Variants in CES5A observed in about 807,000 individuals in gnomAD.
CES5A encodes carboxylesterase 5.
A neutral mutation model predicts 62.9 loss-of-function variants in CES5A; 67 were observed. The observed-to-expected ratio is 1.07, with a 90% CI of 0.88 to 1.31. CES5A has a LOEUF of 1.31. CES5A is among the 50% of genes most tolerant of loss of function. The probability of loss-of-function intolerance (pLI) is 0.00; values close to 1 mark genes in which losing one functional copy is unlikely to be tolerated. For missense variants in CES5A, 748 were observed against 708.5 expected (o/e 1.06, Z -0.63); for synonymous variants, 296 against 280.8 (o/e 1.05, Z -0.54).
chr16:55,892,319 CA>C (rs1349183512), intron 1 of CES5A, among the ~76,000 whole-genome samples: 5 of 152,168 alleles, frequency 3.3e-5, no homozygotes, highest in African/African-American at 1.2e-4. Flanking sequence ...ATCTATTTCT[CA>C]AATGTGTTTG....
rs1262275161 is a variant in CES5A at position 55,846,555 on chromosome 16, T to C, written c.1624A>G (p.Thr542Ala). ...GAGGCAGACAGGATCAGGGGGATGG[T>C]GCTGGTCCAAAAATCCACCCGCGGT... Reference protein sequence around the residue: ...KEPRVDFWTSTIPLILSASDM... With the variant: ...KEPRVDFWTSAIPLILSASDM... The change falls in exon 13 of 13, where the codon ACC (threonine) becomes GCC (alanine). Residue 542 changes from threonine to alanine, a missense_variant. By Grantham distance (58) the Thr-to-Ala change is moderately conservative (BLOSUM62 0). Transcript: ENST00000290567. The C allele has an allele frequency of 1.2e-6, 2 of 1,614,108 alleles. No individual in the cohort carries two copies. Among genetic ancestry groups the C allele is most frequent in the Non-Finnish European group, 1.7e-6 (2 of 1,180,004 alleles).
At chr16:55,858,683 T>C (rs1393459172) in intron 8 of CES5A, among the ~76,000 whole-genome samples, 1 of 152,232 alleles carries the variant, frequency 6.6e-6, no homozygotes, top group Non-Finnish European at 1.5e-5. Context: ...TCTTTATTTC[T>C]TAACCCTATT....
At chr16:55,898,495 G>C (rs2033956542) in intron 1 of CES5A, among the ~76,000 whole-genome samples, 1 of 152,090 alleles carries the variant, frequency 6.6e-6, no homozygotes, top group African/African-American at 2.4e-5. Flanking sequence ...CCCCTGAAGA[G>C]ACCTTTAAAA....
chr16:55,866,109 C>G lies in CES5A; in HGVS notation c.559G>C (p.Asp187His), dbSNP rs2033455549. ...LGIFGFFTTW[D>H]QHAPGNWAFK... ...GCCCAGTTCCCCGGAGCATGCTGAT[C>G]CCATGTGCTGAGGACAAGAGGCAGG... Residue 187 changes from aspartate to histidine, a missense_variant, in exon 5 of 13, where the codon GAT (aspartate) becomes CAT (histidine). Asp to His is a moderately conservative substitution (Grantham distance 81). Coordinates refer to ENST00000290567, the MANE Select transcript of CES5A (RefSeq NM_001143685.2). 6.2e-7 allele frequency: 1 copy of G among 1,612,274 alleles called. No individual in the cohort carries two copies. The highest frequency in any genetic ancestry group is 8.5e-7 in the Non-Finnish European group (1 of 1,178,916).
chr16:55,879,185 A>C (rs2033735109), upstream of CES5A, among the ~76,000 whole-genome samples: 2 of 121,626 alleles, frequency 1.6e-5, no homozygotes, highest in African/African-American at 6.5e-5. Flanking sequence ...CACTCCACCA[A>C]TGCTCCCCAT....
intron 1 of CES5A, among the ~76,000 whole-genome samples, chr16:55,905,948 A>T (rs987463940): frequency 6.6e-6 from 1 of 152,196 alleles, no homozygotes; most frequent in African/African-American, 2.4e-5. Context: ...TTTGATCATC[A>T]CAACAACACT....
chr16:55,898,030 T>C (rs1408160867), intron 1 of CES5A, among the ~76,000 whole-genome samples: 1 of 152,146 alleles, frequency 6.6e-6, no homozygotes, highest in East Asian at 1.9e-4. Context: ...CAAGCTAATC[T>C]ATAGGGAGAG....
At chr16:55,938,197 G>A (rs879532375) in intron 2 of CES5A, among the ~76,000 whole-genome samples, 1 of 152,062 alleles carries the variant, frequency 6.6e-6, no homozygotes, top group Non-Finnish European at 1.5e-5. Context: ...AGTAAGATGG[G>A]CTTCTAATTA....
intron 1 of CES5A, among the ~76,000 whole-genome samples, chr16:55,921,880 A>T (rs1231104767): frequency 1.3e-5 from 2 of 152,010 alleles, no homozygotes; most frequent in African/African-American, 4.8e-5. Context: ...TCAAAATGGG[A>T]GAGGAAGTGG....
intron 2 of CES5A, among the ~76,000 whole-genome samples, chr16:55,936,213 G>A (rs1433994901): frequency 6.6e-6 from 1 of 152,184 alleles, no homozygotes. Context: ...AACTTCCCAT[G>A]ATACTTGGAA....
intron 2 of CES5A, among the ~76,000 whole-genome samples, chr16:55,930,665 C>G (rs1379371560): frequency 3.3e-5 from 5 of 152,170 alleles, no homozygotes; most frequent in Non-Finnish European, 7.3e-5. Context: ...TTGAATGGTT[C>G]TCTTCATGCT....
intron 2 of CES5A, among the ~76,000 whole-genome samples, chr16:55,939,074 A>G (rs1365957652): frequency 6.6e-6 from 1 of 151,834 alleles, no homozygotes; most frequent in Non-Finnish European, 1.5e-5. Context: ...TTTCTAGCTC[A>G]CTTTCCTCAA....
At chr16:55,880,586 C>G (rs1166010235) in intron 1 of CES5A, among the ~76,000 whole-genome samples, 1 of 152,140 alleles carries the variant, frequency 6.6e-6, no homozygotes, top group Non-Finnish European at 1.5e-5. Flanking sequence ...GACAGCAGAC[C>G]CTCAGTGAGA....
Position 55,846,372 on chromosome 16 carries a change from T to A in CES5A, c.*79A>T. 2.7e-6 allele frequency: 3 copies of A among 1,111,310 alleles called. No homozygotes were observed. Among genetic ancestry groups the A allele is most frequent in the Non-Finnish European group, 4.0e-6 (3 of 744,876 alleles). 68.8% of individuals were successfully genotyped at this position (1,111,310 alleles called of 1,614,324 possible). ...TGCAAGGATCCCCATAGAAAGCAGC[T>A]GAGCTCAGAAAGAAGCTAATGATTG... On this transcript the variant is annotated 3_prime_UTR_variant, in exon 13 of 13. Coordinates refer to ENST00000290567, the MANE Select transcript of CES5A (RefSeq NM_001143685.2).
At chr16:55,913,350 G>T (rs942290599) in intron 1 of CES5A, among the ~76,000 whole-genome samples, 2 of 152,146 alleles carry the variant, frequency 1.3e-5, no homozygotes, top group African/African-American at 2.4e-5. Context: ...AATATCTCAA[G>T]CACTGGTCTT....
intron 2 of CES5A, among the ~76,000 whole-genome samples, chr16:55,938,594 G>A (rs2142476125): frequency 6.6e-6 from 1 of 150,936 alleles, no homozygotes; most frequent in African/African-American, 2.4e-5. Flanking sequence ...AAAATTATCT[G>A]GGTATGGTGG....
chr16:55,917,561 C>T (rs575226109), intron 1 of CES5A, among the ~76,000 whole-genome samples: 14 of 152,334 alleles, frequency 9.2e-5, no homozygotes, highest in Admixed American at 4.6e-4. Context: ...GGCCAAATGC[C>T]TTCTACAGAT....
intron 2 of CES5A, among the ~76,000 whole-genome samples, chr16:55,936,019 A>G (rs1227000904): frequency 6.6e-6 from 1 of 152,182 alleles, no homozygotes; most frequent in Non-Finnish European, 1.5e-5. Flanking sequence ...GGTCTTTAAC[A>G]GTCCCCAAAG....
intron 1 of CES5A, 60 bp downstream of exon 1, chr16:55,875,089 G>T: frequency 6.6e-7 from 1 of 1,509,822 alleles, no homozygotes; most frequent in Non-Finnish European, 9.2e-7. Context: ...ATTTCTACCA[G>T]TGGAAAATCC....
Sources: gnomAD v4.1 joint callset for allele counts (sites outside exome capture counted in the v4.1 genomes callset) on GRCh38, gnomAD v4.1.1 for gene constraint, MANE v1.5 for transcripts, NCBI Gene and HGNC (gene_info 2026-07-23, HGNC 2026-07-21) for gene names.